Variants in COMT observed in about 807,000 individuals in gnomAD.
COMT encodes the protein catechol O-methyltransferase.
In COMT, 13 loss-of-function variants were observed where a neutral mutation model predicts 18.9. The ratio of observed to expected loss-of-function variants is 0.69; its 90% CI spans 0.45 to 1.09. COMT has a LOEUF of 1.09. Among genes scored for constraint, COMT ranks in the 50% least tolerant of loss-of-function variants. COMT has a pLI of 0.00. For synonymous variants in COMT, 150 were observed against 160.9 expected (o/e 0.93, Z 0.51); for missense variants, 329 against 361.8 (o/e 0.91, Z 0.73).
At chr22:19,949,239 C>T (rs1175988217) in intron 1 of COMT, among the ~76,000 whole-genome samples, 3 of 151,722 alleles carry the variant, frequency 2.0e-5, no homozygotes, top group African/African-American at 7.2e-5. Flanking sequence ...TGGGCTCAAG[C>T]GATCCTCCTG....
Position 19,941,863 on chromosome 22 carries a change from G to C in COMT, c.-126G>C. The C allele has an allele frequency of 6.9e-7, 1 of 1,446,856 alleles. No homozygotes were observed. Among genetic ancestry groups the C allele is most frequent in the Non-Finnish European group, 9.0e-7 (1 of 1,107,206 alleles). 89.6% of individuals were successfully genotyped at this position (1,446,856 alleles called of 1,614,324 possible). ...GCCGCGCTGCCTGCGCCGGACCGGG[G>C]CGGGTCCAGTCCCGGGCGGGCCGTC... On this transcript the variant is annotated 5_prime_UTR_variant, in exon 1 of 6. Coordinates refer to ENST00000361682, the MANE Select transcript of COMT (RefSeq NM_000754.4).
At position 19,962,756 on chromosome 22, in the gene COMT, A is replaced by G. The variant is rs1942226252; in HGVS notation, c.230A>G (p.Glu77Gly). ...AEPGNAQSVL[E>G]AIDTYCEQKE... The stretch of plus-strand genomic sequence containing the variant: ...CCCGGGAACGCACAGAGCGTGCTGG[A>G]GGCCATTGACACCTACTGCGAGCAG... Residue 77 changes from glutamate (E) to glycine (G), a missense_variant, in exon 3 of 6, where the codon GAG becomes GGG. Transcript: ENST00000361682. 1 of 1,613,284 alleles carries G rather than the reference A, an allele frequency of 6.2e-7. No individual in the cohort carries two copies. The highest frequency in any genetic ancestry group is 8.5e-7 in the Non-Finnish European group (1 of 1,179,558).
At chr22:19,951,000 G>A (rs1941921952) in intron 1 of COMT, 1 of 152,234 alleles carries the variant, frequency 6.6e-6, no homozygotes, top group Non-Finnish European at 1.5e-5. Flanking sequence ...GGAGTCAGGA[G>A]TGAATCCCCT....
rs1425255072 is a variant in COMT, at chr22:19,969,923, T to C, written c.*1187T>C. On this transcript the variant is annotated 3_prime_UTR_variant, in exon 6 of 6. Transcript: ENST00000361682. ...CCTTTGCTGCTTTAATTTTTAAATT[T>C]TCTTACAAAAATTTAGGTGTTTACC... 1 of 985,416 alleles carries C rather than the reference T, an allele frequency of 1.0e-6. No individual in the cohort carries two copies. The highest frequency in any genetic ancestry group is 1.2e-6 in the Non-Finnish European group (1 of 829,930). The allele number at this position is 985,416 out of a possible 1,614,324, so 61.0% of individuals were successfully genotyped here.
chr22:19,941,973 T>G, intron 1 of COMT, 76 bp downstream of exon 1: 1 of 554,064 alleles, frequency 1.8e-6, no homozygotes, highest in Non-Finnish European at 2.9e-6. Context: ...GGTGGAACAC[T>G]GGGATAGGGT....
intron 1 of COMT, among the ~76,000 whole-genome samples, chr22:19,945,964 C>T (rs985009729): frequency 7.9e-5 from 12 of 151,940 alleles, no homozygotes; most frequent in African/African-American, 2.4e-4. Context: ...CGTGCCCAGC[C>T]GGGGAAAGGT....
chr22:19,959,501 C>T (rs933790193), intron 1 of COMT, among the ~76,000 whole-genome samples: 3 of 152,196 alleles, frequency 2.0e-5, no homozygotes, highest in Non-Finnish European at 4.4e-5. Context: ...CATCCCACAC[C>T]AGCGAGCAGA....
intron 5 of COMT, chr22:19,967,678 A>G (rs1942493021): frequency 1.4e-5 from 4 of 295,750 alleles, no homozygotes; most frequent in South Asian, 1.2e-4. Context: ...TGATTTTATT[A>G]TACTTTAGAT....
Position 19,961,279 on chromosome 22 carries a change from G to A in COMT, c.-11G>A, listed in dbSNP as rs1360767286. The A allele has an allele frequency of 6.6e-6, 1 of 152,486 alleles. No homozygotes were observed. The highest frequency in any genetic ancestry group is 1.5e-5 in the Non-Finnish European group (1 of 68,250). The allele number at this position is 152,486 out of a possible 1,614,324, so 9.4% of individuals were successfully genotyped here. ...CCAGAGGGCTGGAGCCTGCTCAGAG[G>A]TGCTTTGAAGGTGAGTTGGCCAACG... On this transcript the variant is annotated 5_prime_UTR_variant, in exon 2 of 6. In the 5' UTR this introduces an upstream ATG that the reference lacks. Coordinates refer to ENST00000361682, the MANE Select transcript of COMT (RefSeq NM_000754.4).
chr22:19,964,019 C>T lies in COMT; in HGVS notation c.484-149C>T, dbSNP rs575989737. On this transcript the variant is annotated intron_variant, in intron 4 of 5. Transcript: ENST00000361682. ...AGAGTGGGGCCTTGTCATCCCAGAA[C>T]CCTAAAGAAAACTGATGAATGCTTG... 1.8e-4 allele frequency: 268 copies of T among 1,509,524 alleles called. 4 individuals carry two copies. The South Asian group carries it at 2.6e-3, about 15-fold the overall frequency. 93.5% of individuals were successfully genotyped at this position (1,509,524 alleles called of 1,614,324 possible). A position where few individuals can be genotyped will look rare whatever the true frequency, so the allele number is the denominator to read the frequency against.
chr22:19,962,419 G>T, intron 2 of COMT, 108 bp from the exon 3 acceptor site: 1 of 1,509,574 alleles, frequency 6.6e-7, no homozygotes. Context: ...TCTGAACCTT[G>T]CCCCTCTGCA....
intron 2 of COMT, chr22:19,962,140 C>A: frequency 3.1e-6 from 1 of 318,352 alleles, no homozygotes; most frequent in Non-Finnish European, 6.1e-6. Context: ...CAACTCCGGG[C>A]CATGGGGCTT....
At chr22:19,959,408 G>T (rs1942139123) in intron 1 of COMT, among the ~76,000 whole-genome samples, 1 of 152,270 alleles carries the variant, frequency 6.6e-6, no homozygotes, top group African/African-American at 2.4e-5. Context: ...CCGTGGCTGG[G>T]TGGGCGTGGT....
At chr22:19,955,583 G>T (rs1057021092) in intron 1 of COMT, among the ~76,000 whole-genome samples, 3 of 152,228 alleles carry the variant, frequency 2.0e-5, no homozygotes, top group African/African-American at 7.2e-5. Context: ...CCTGTGTGCC[G>T]AGCAGAGCTG....
intron 1 of COMT, among the ~76,000 whole-genome samples, chr22:19,957,750 A>G (rs1264207554): frequency 1.3e-5 from 2 of 152,236 alleles, no homozygotes; most frequent in Non-Finnish European, 2.9e-5. Flanking sequence ...AGGTAAGACC[A>G]TCAGCCGTTT....
In COMT at chr22:19,964,081, C is replaced by T. The variant is rs147863086; in HGVS notation, c.484-87C>T. Reference sequence around the variant, plus strand: ...AAAGATGGCCTCCTGTCTGTGTGGGCGTGGGCACTGACAGGCGCTGTTGTA... The same window carrying T: ...AAAGATGGCCTCCTGTCTGTGTGGGTGTGGGCACTGACAGGCGCTGTTGTA... On this transcript the variant is annotated intron_variant, in intron 4 of 5. Coordinates refer to ENST00000361682, the MANE Select transcript of COMT (RefSeq NM_000754.4). 4.0e-5 allele frequency: 64 copies of T among 1,610,224 alleles called. No individual in the cohort carries two copies. In the Admixed American group the frequency reaches 5.0e-4, roughly 13 times the overall value.
At chr22:19,955,851 C>T (rs547306810) in intron 1 of COMT, among the ~76,000 whole-genome samples, 17 of 152,338 alleles carry the variant, frequency 1.1e-4, no homozygotes, top group Non-Finnish European at 2.2e-4. Flanking sequence ...TGTTGGCCCT[C>T]TGTGGAGAAC....
Position 19,963,710 on chromosome 22 carries a change from G to A in COMT, c.434G>A (p.Cys145Tyr), listed in dbSNP as rs765045592. The part of the protein sequence containing the change: ...RLITIEINPD[C>Y]AAITQRMVDF... ...ATCACCATCGAGATCAACCCCGACT[G>A]TGCCGCCATCACCCAGCGGATGGTG... The change falls in exon 4 of 6, where the codon TGT (cysteine) becomes TAT (tyrosine). Residue 145 changes from cysteine (C) to tyrosine (Y), a missense_variant. Transcript: ENST00000361682. 1.9e-6 allele frequency: 3 copies of A among 1,612,846 alleles called. No individual in the cohort carries two copies. The highest frequency in any genetic ancestry group is 2.2e-5 in the East Asian group (1 of 44,896).
chr22:19,950,371 C>T (rs1941910795), intron 1 of COMT, among the ~76,000 whole-genome samples: 1 of 151,762 alleles, frequency 6.6e-6, no homozygotes, highest in Non-Finnish European at 1.5e-5. Context: ...AGGTGTGAGC[C>T]ACCACCCAGC....
Sources: allele counts gnomAD v4.1 joint callset (sites outside exome capture counted in the v4.1 genomes callset), GRCh38; gene constraint gnomAD v4.1.1; transcripts MANE v1.5; gene names NCBI Gene and HGNC (gene_info 2026-07-23, HGNC 2026-07-21).